Variants in PDS5A observed in about 807,000 individuals in gnomAD.
The protein encoded by PDS5A is sister chromatid cohesion protein PDS5 homolog A.
A neutral mutation model predicts 167.1 loss-of-function variants in PDS5A; 42 were observed. The ratio of observed to expected loss-of-function variants is 0.25; its 90% CI spans 0.20 to 0.33. The LOEUF (loss-of-function observed/expected upper bound fraction) is 0.33. Among genes scored for constraint, PDS5A ranks in the 10% least tolerant of loss-of-function variants. The pLI is 1.00. For synonymous variants in PDS5A, 553 were observed against 554.6 expected, an observed-to-expected ratio of 1.00 and a Z score of 0.04; for missense variants, 1,033 against 1,605.9, an observed-to-expected ratio of 0.64 and a Z score of 6.10.
Position 39,823,083 on chromosome 4 carries a change from G to C in PDS5A, c.*2402C>G, listed in dbSNP as rs1242529529. The C allele has an allele frequency of 6.6e-6, 1 of 152,562 alleles. No individual in the cohort carries two copies. The highest frequency in any genetic ancestry group is 1.5e-5 in the Non-Finnish European group (1 of 68,026). 9.5% of individuals were successfully genotyped at this position (152,562 alleles called of 1,614,324 possible). A position where few individuals can be genotyped will look rare whatever the true frequency, so the allele number is the denominator to read the frequency against. Reference sequence around the variant, plus strand: ...TACAAAATTCTGGCTTGTTGTTTTAGACAAATACAAGAAGCTTCAAACTAG... The same window carrying C: ...TACAAAATTCTGGCTTGTTGTTTTACACAAATACAAGAAGCTTCAAACTAG... On this transcript the variant is annotated 3_prime_UTR_variant, in exon 33 of 33. Coordinates refer to ENST00000303538, the MANE Select transcript of PDS5A (RefSeq NM_001100399.2).
chr4:39,869,924 T>C (rs1188542845), intron 21 of PDS5A, among the ~76,000 whole-genome samples: 1 of 152,082 alleles, frequency 6.6e-6, no homozygotes, highest in Non-Finnish European at 1.5e-5. Flanking sequence ...CTGGCTAACA[T>C]GGCAAAACCC....
At chr4:39,831,273 GTATTTT>G (rs1042680580) in intron 32 of PDS5A, among the ~76,000 whole-genome samples, 2 of 152,072 alleles carry the variant, frequency 1.3e-5, no homozygotes, top group Admixed American at 6.5e-5. Context: ...GCTAAATTTT[GTATTTT>G]TATTATAGAT....
chr4:39,924,208 G>GACCAGATATCC (rs980459069), intron 5 of PDS5A, among the ~76,000 whole-genome samples: 10 of 152,084 alleles, frequency 6.6e-5, no homozygotes, highest in African/African-American at 2.4e-4. Context: ...GCCAGATATT[G>GACCAGATATCC]ACCAGATATC....
intron 2 of PDS5A, chr4:39,976,150 C>T (rs1417906664): frequency 4.7e-6 from 1 of 213,010 alleles, no homozygotes; most frequent in African/African-American, 2.3e-5. Context: ...TTGCAAGCCA[C>T]TCTGAACAGT....
Position 39,925,825 on chromosome 4 carries a change from A to C in PDS5A, c.527+11T>G, listed in dbSNP as rs1206860985. ...AAAGAGACAAACAGAAATGCTTAAA[A>C]AATAACTTACTTGATCACTGAGAAG... On this transcript the variant is annotated intron_variant, in intron 5 of 32. Coordinates refer to ENST00000303538, the MANE Select transcript of PDS5A (RefSeq NM_001100399.2). 1 of 1,155,596 alleles carries C rather than the reference A, an allele frequency of 8.7e-7. No homozygotes were observed. The highest frequency in any genetic ancestry group is 1.2e-6 in the Non-Finnish European group (1 of 803,960). The allele number at this position is 1,155,596 out of a possible 1,614,324, so 71.6% of individuals were successfully genotyped here.
chr4:39,900,349 G>T, intron 14 of PDS5A, 77 bp downstream of exon 14: 2 of 836,758 alleles, frequency 2.4e-6, no homozygotes, highest in Admixed American at 2.2e-5. Context: ...CTTTTTCCCT[G>T]CTTCATTACG....
At chr4:39,826,321 AT>A (rs1386713363) in intron 32 of PDS5A, among the ~76,000 whole-genome samples, 1 of 151,832 alleles carries the variant, frequency 6.6e-6, no homozygotes, top group Non-Finnish European at 1.5e-5. Flanking sequence ...AACTCATCTA[AT>A]AGATGAGATT....
intron 32 of PDS5A, among the ~76,000 whole-genome samples, chr4:39,833,203 A>AAAG (rs1453005725): frequency 6.8e-6 from 1 of 147,612 alleles, no homozygotes; most frequent in African/African-American, 2.4e-5. Flanking sequence ...AAAAAAAAAA[A>AAAG]AAAAAAAAAA....
chr4:39,948,029 T>C lies in PDS5A; in HGVS notation c.139-19865A>G, dbSNP rs374381377. On this transcript the variant is annotated intron_variant, in intron 2 of 32. Coordinates refer to ENST00000303538, the MANE Select transcript of PDS5A (RefSeq NM_001100399.2). ...AATTTGGAAAGACAAGGAGGGAGGA[T>C]GCCTTGAGACAAGGAATGCAAGACT... is the stretch of plus-strand genomic sequence containing the variant. Among the ~76,000 whole-genome samples, 20 of 152,096 alleles carry C rather than the reference T, an allele frequency of 1.3e-4. No individual in the cohort carries two copies. The South Asian group carries it at 1.5e-3, about 11-fold the overall frequency.
intron 18 of PDS5A, among the ~76,000 whole-genome samples, chr4:39,878,490 G>A (rs1720662263): frequency 2.0e-5 from 3 of 151,870 alleles, no homozygotes; most frequent in African/African-American, 7.3e-5. Context: ...CCGGCTACTT[G>A]GGAGGCTGAG....
At chr4:39,970,790 C>CTTTTTTT (rs35223238) in intron 2 of PDS5A, among the ~76,000 whole-genome samples, 6 of 88,494 alleles carry the variant, frequency 6.8e-5, no homozygotes, top group African/African-American at 8.5e-5. Context: ...CCGCTTGTTC[C>CTTTTTTT]TTTTTTTTTT....
intron 5 of PDS5A, among the ~76,000 whole-genome samples, chr4:39,923,650 C>CAA (rs546563374): frequency 5.9e-5 from 9 of 151,360 alleles, no homozygotes; most frequent in Non-Finnish European, 8.8e-5. Flanking sequence ...CACACACACA[C>CAA]ACACACACAC....
chr4:39,853,750 T>G (rs1194659786), intron 26 of PDS5A, among the ~76,000 whole-genome samples: 1 of 152,230 alleles, frequency 6.6e-6, no homozygotes, highest in African/African-American at 2.4e-5. Flanking sequence ...TATTGCCTTC[T>G]TCCTCCCCAA....
intron 32 of PDS5A, among the ~76,000 whole-genome samples, chr4:39,827,242 C>G (rs965831300): frequency 6.6e-6 from 1 of 152,190 alleles, no homozygotes; most frequent in African/African-American, 2.4e-5. Flanking sequence ...TAGTGATCAG[C>G]CTGCTTTGGC....
intron 14 of PDS5A, among the ~76,000 whole-genome samples, chr4:39,900,203 A>G (rs928173714): frequency 6.6e-6 from 1 of 152,206 alleles, no homozygotes; most frequent in Non-Finnish European, 1.5e-5. Context: ...AAAACTTTAT[A>G]TAAACTAGAA....
chr4:39,880,352 TTTAA>T (rs1720827621), intron 17 of PDS5A, among the ~76,000 whole-genome samples: 1 of 152,136 alleles, frequency 6.6e-6, no homozygotes, highest in African/African-American at 2.4e-5. Flanking sequence ...TTAGGAACAA[TTTAA>T]TTGTCAAAAA....
At chr4:39,883,179 CTTTT>C (rs953471373) in intron 17 of PDS5A, among the ~76,000 whole-genome samples, 1 of 151,486 alleles carries the variant, frequency 6.6e-6, no homozygotes, top group Non-Finnish European at 1.5e-5. Flanking sequence ...CAACTAGCAT[CTTTT>C]TTTTTAAAAA....
In PDS5A at chr4:39,862,344, A is replaced by C. The variant is rs1193668548; in HGVS notation, c.2972-11T>G. ...GTGATAATAATTTCTCTGAAGTAAA[A>C]ACATTATTAAAAACAACCTTTATAA... On this transcript the variant is annotated splice_polypyrimidine_tract_variant and intron_variant, in intron 25 of 32. Transcript: ENST00000303538. 7.8e-7 allele frequency: 1 copy of C among 1,274,898 alleles called. No homozygotes were observed. The highest frequency in any genetic ancestry group is 1.1e-6 in the Non-Finnish European group (1 of 902,158). 79.0% of individuals were successfully genotyped at this position (1,274,898 alleles called of 1,614,324 possible).
At chr4:39,948,446 T>G (rs1458310004) in intron 2 of PDS5A, among the ~76,000 whole-genome samples, 1 of 146,284 alleles carries the variant, frequency 6.8e-6, no homozygotes, top group African/African-American at 2.5e-5. Flanking sequence ...TGCCTCAGCC[T>G]CCCGAGTAGC....
Sources: gnomAD v4.1 joint callset for allele counts (sites outside exome capture counted in the v4.1 genomes callset) on GRCh38, gnomAD v4.1.1 for gene constraint, MANE v1.5 for transcripts, NCBI Gene and HGNC (gene_info 2026-07-23, HGNC 2026-07-21) for gene names.